The following SRGAP3 variants were observed in gnomAD, a reference collection of about 807,000 sequenced individuals.
The protein encoded by SRGAP3 is SLIT-ROBO Rho GTPase activating protein 3.
Under a neutral mutation model 121.1 loss-of-function variants are expected in SRGAP3, and 39 were observed. That is an observed-to-expected ratio of 0.32 (90% CI 0.25 to 0.42). The LOEUF is 0.42. SRGAP3 is among the 10% of genes least tolerant of loss of function. SRGAP3 has a pLI of 1.00. For synonymous variants in SRGAP3, 601 were observed against 570.0 expected, an observed-to-expected ratio of 1.05 and a Z score of -0.77; for missense variants, 1,213 against 1,470.6, an observed-to-expected ratio of 0.82 and a Z score of 2.86.
intron 14 of SRGAP3, among the ~76,000 whole-genome samples, chr3:9,017,339 T>TAATATTTTTA (rs1943689216): frequency 6.6e-6 from 1 of 152,238 alleles, no homozygotes; most frequent in Non-Finnish European, 1.5e-5. Context: ...AAAATATTGG[T>TAATATTTTTA]TCTGAATAAT....
chr3:9,334,544 T>C (rs1166296021), intron 1 of SRGAP3, among the ~76,000 whole-genome samples: 3 of 152,174 alleles, frequency 2.0e-5, no homozygotes, highest in Non-Finnish European at 4.4e-5. Context: ...GGTAATAACA[T>C]GAGTAATCAT....
chr3:9,346,199 TTAGTATG>T (rs1337718829), intron 1 of SRGAP3, among the ~76,000 whole-genome samples: 4 of 152,184 alleles, frequency 2.6e-5, no homozygotes, highest in African/African-American at 9.6e-5. Flanking sequence ...ATTTTTTTTT[TTAGTATG>T]TTAAAGTGTA....
chr3:9,260,740 T>C (rs1954237621), intron 3 of SRGAP3, among the ~76,000 whole-genome samples: 2 of 152,192 alleles, frequency 1.3e-5, no homozygotes, highest in Admixed American at 1.3e-4. Flanking sequence ...GACTTAAACG[T>C]TCCTGCCTGC....
intron 1 of SRGAP3, among the ~76,000 whole-genome samples, chr3:9,171,119 G>A (rs1191146875): frequency 6.6e-6 from 1 of 152,218 alleles, no homozygotes; most frequent in Non-Finnish European, 1.5e-5. Flanking sequence ...AAGAACCCCT[G>A]AGGCCCCAGC....
chr3:9,344,909 C>A (rs776691606), intron 1 of SRGAP3, among the ~76,000 whole-genome samples: 1 of 151,118 alleles, frequency 6.6e-6, no homozygotes. Context: ...TGGTGGCGTG[C>A]GCCTGTAGTC....
At chr3:9,052,175 A>G (rs955396238) in intron 9 of SRGAP3, among the ~76,000 whole-genome samples, 3 of 152,248 alleles carry the variant, frequency 2.0e-5, no homozygotes, top group African/African-American at 7.2e-5. Flanking sequence ...CATTTAGCCT[A>G]GAGAAATGAA....
At chr3:9,066,542 C>T (rs1285675420) in intron 4 of SRGAP3, among the ~76,000 whole-genome samples, 1 of 152,176 alleles carries the variant, frequency 6.6e-6, no homozygotes, top group East Asian at 1.9e-4. Context: ...TCTTGTTGCC[C>T]AGGCTGGAGT....
At chr3:9,278,727 A>T (rs942063007) in intron 3 of SRGAP3, among the ~76,000 whole-genome samples, 7 of 152,196 alleles carry the variant, frequency 4.6e-5, no homozygotes, top group Non-Finnish European at 5.9e-5. Flanking sequence ...ACTTCTCTGA[A>T]CCTTGGTGTC....
intron 10 of SRGAP3, among the ~76,000 whole-genome samples, chr3:9,044,847 A>G (rs35232822): frequency 0.056 from 8,490 of 152,126 alleles, 255 homozygotes; most frequent in South Asian, 0.1. Context: ...CCTTCACCCA[A>G]TGGGCAATTT....
At chr3:9,334,279 A>G (rs955725933) in intron 1 of SRGAP3, among the ~76,000 whole-genome samples, 1 of 152,160 alleles carries the variant, frequency 6.6e-6, no homozygotes, top group Non-Finnish European at 1.5e-5. Flanking sequence ...ATGGTATTCA[A>G]TCATCATTTA....
intron 2 of SRGAP3, among the ~76,000 whole-genome samples, chr3:9,330,150 T>C (rs906777132): frequency 1.3e-5 from 2 of 152,194 alleles, no homozygotes; most frequent in Non-Finnish European, 1.5e-5. Flanking sequence ...CTGAATAACT[T>C]AGCCAATGAT....
chr3:9,121,006 G>C (rs550154885), intron 2 of SRGAP3, among the ~76,000 whole-genome samples: 8 of 152,276 alleles, frequency 5.3e-5, no homozygotes, highest in Admixed American at 3.3e-4. Flanking sequence ...ACAAGGAGGA[G>C]CAATAGACTC....
At chr3:9,079,288 C>A (rs1219674174) in intron 4 of SRGAP3, among the ~76,000 whole-genome samples, 4 of 152,168 alleles carry the variant, frequency 2.6e-5, no homozygotes, top group Non-Finnish European at 5.9e-5. Context: ...GCTGGGTCTA[C>A]CCACCCCACT....
At position 9,299,989 on chromosome 3, in the gene SRGAP3, T is replaced by C. The variant is rs542464716; in HGVS notation, n.442+26021A>G. On this transcript the variant is annotated intron_variant and non_coding_transcript_variant, in intron 3 of 3. Transcript: ENST00000490889. ...CTTCACAAGCTATGTGACTTTGGCA[T>C]GTTACTTCATCTCTCTGCAACATTT... Among the ~76,000 whole-genome samples the C allele has an allele frequency of 1.8e-4, 27 of 151,800 alleles. No homozygotes were observed. The South Asian group carries it at 5.6e-3, about 32-fold the overall frequency.
chr3:9,265,778 T>G (rs9994136), intron 3 of SRGAP3, among the ~76,000 whole-genome samples: 1 of 151,916 alleles, frequency 6.6e-6, no homozygotes, highest in African/African-American at 2.4e-5. Flanking sequence ...TTGGTGGGAG[T>G]GTAAATTAGT....
At chr3:9,026,429 T>A (rs1944203019) in intron 13 of SRGAP3, among the ~76,000 whole-genome samples, 1 of 152,164 alleles carries the variant, frequency 6.6e-6, no homozygotes, top group South Asian at 2.1e-4. Context: ...ACTCAATAAA[T>A]ATAGTTTTGG....
intron 1 of SRGAP3, among the ~76,000 whole-genome samples, chr3:9,356,062 TGG>T (rs1466920881): frequency 1.3e-5 from 2 of 152,154 alleles, no homozygotes; most frequent in Non-Finnish European, 2.9e-5. Context: ...ACTGTTCCAA[TGG>T]GGCTTAAGTT....
At chr3:9,244,110 G>A (rs559704983) in intron 1 of SRGAP3, among the ~76,000 whole-genome samples, 64 of 152,254 alleles carry the variant, frequency 4.2e-4, no homozygotes, top group African/African-American at 1.4e-3. Context: ...GCATTCCTAA[G>A]GTGATCTTCT....
chr3:9,321,787 G>T (rs569165730), intron 3 of SRGAP3, among the ~76,000 whole-genome samples: 85 of 151,686 alleles, frequency 5.6e-4, no homozygotes, highest in African/African-American at 2.0e-3. Flanking sequence ...ACACATAGAG[G>T]GGAATAATAC....
Sources: allele counts gnomAD v4.1 joint callset (sites outside exome capture counted in the v4.1 genomes callset), GRCh38; gene constraint gnomAD v4.1.1; transcripts MANE v1.5; gene names NCBI Gene and HGNC (gene_info 2026-07-23, HGNC 2026-07-21).